Variants in ABHD18 observed in about 807,000 individuals in gnomAD.
ABHD18 encodes cardiolipin-specific deacylase, mitochondrial.
In ABHD18, 55 loss-of-function variants were observed where a neutral mutation model predicts 65.9. The observed-to-expected ratio is 0.84, with a 90% CI of 0.67 to 1.05. The LOEUF is 1.05. Among genes scored for constraint, ABHD18 ranks in the 50% least tolerant of loss-of-function variants. The pLI is 0.00. For missense variants in ABHD18, 533 were observed against 558.5 expected (o/e 0.95, Z 0.46); for synonymous variants, 181 against 180.2 (o/e 1.00, Z -0.04).
At chr4:128,014,120 A>C (rs1755068551) in intron 7 of ABHD18, among the ~76,000 whole-genome samples, 1 of 151,124 alleles carries the variant, frequency 6.6e-6, no homozygotes, top group African/African-American at 2.4e-5. Context: ...AGTAGCTGGG[A>C]TTACAGGCAT....
chr4:128,034,969 T>C (rs139228844), intron 12 of ABHD18, among the ~76,000 whole-genome samples: 2,989 of 152,288 alleles, frequency 0.02, 51 homozygotes, highest in Middle Eastern at 0.037. Flanking sequence ...TCCTTTTCAA[T>C]TGAAATATTA....
chr4:127,979,915 C>CAAAAA (rs59944314), intron 1 of ABHD18, among the ~76,000 whole-genome samples: 25 of 66,456 alleles, frequency 3.8e-4, no homozygotes, highest in East Asian at 3.7e-3. Context: ...GACTCCATCT[C>CAAAAA]AAAAAAAAAA....
At chr4:128,024,770 G>A (rs114558080) in intron 10 of ABHD18, among the ~76,000 whole-genome samples, 7,709 of 151,718 alleles carry the variant, frequency 0.051, 261 homozygotes, top group Non-Finnish European at 0.081. Flanking sequence ...TTGGCTCGCC[G>A]CAGCCTCCGC....
In ABHD18 at chr4:128,039,766, C is replaced by G. The variant is rs1399880772; in HGVS notation, c.*3953C>G. ...TTGTAAATACGGTAGACACATGTCA[C>G]ATTTGATTAATGTACCCAAACTTGA... On this transcript the variant is annotated 3_prime_UTR_variant, in exon 13 of 13. Coordinates refer to ENST00000645843, the MANE Select transcript of ABHD18 (RefSeq NM_001358451.3). 6.6e-6 allele frequency: 1 copy of G among 151,954 alleles called. No individual in the cohort carries two copies. The highest frequency in any genetic ancestry group is 1.5e-5 in the Non-Finnish European group (1 of 67,996). 9.4% of individuals were successfully genotyped at this position (151,954 alleles called of 1,614,324 possible).
intron 1 of ABHD18, among the ~76,000 whole-genome samples, chr4:127,973,051 T>A (rs959735642): frequency 1.3e-5 from 2 of 152,158 alleles, no homozygotes; most frequent in Non-Finnish European, 1.5e-5. Flanking sequence ...TCTCACTCTG[T>A]CACCCAGGCT....
chr4:128,011,240 CA>C (rs1451009392), intron 6 of ABHD18, among the ~76,000 whole-genome samples: 1 of 151,692 alleles, frequency 6.6e-6, no homozygotes, highest in South Asian at 2.1e-4. Context: ...CTCCGCCCCC[CA>C]GGGTTCACAC....
rs185053503 is a variant in ABHD18, at chr4:127,977,370, G to C, written c.-17-5569G>C. Among the ~76,000 whole-genome samples the C allele has an allele frequency of 2.2e-3, 329 of 152,320 alleles. 1 individual carries two copies. The highest frequency in any genetic ancestry group is 1.5e-3 in the Non-Finnish European group (100 of 68,036). On this transcript the variant is annotated intron_variant, in intron 1 of 12. Coordinates refer to ENST00000645843, the MANE Select transcript of ABHD18 (RefSeq NM_001358451.3). The stretch of plus-strand genomic sequence containing the variant: ...GCCTGTAATCCCAGCTACTTGAGAA[G>C]CTGAGGCAGGAAAATGGCTTGAACC...
In ABHD18 at chr4:127,997,785, T is replaced by A. The variant is rs867616191; in HGVS notation, c.278+7964T>A. ...AGCTCTCATCTTCCTCCCTCCTTACTTTCTGTTCCACTTCTTCCTTCTTTA... is the reference window on the plus strand; with the variant it reads ...AGCTCTCATCTTCCTCCCTCCTTACATTCTGTTCCACTTCTTCCTTCTTTA... On this transcript the variant is annotated intron_variant, in intron 4 of 12. Coordinates refer to ENST00000645843, the MANE Select transcript of ABHD18 (RefSeq NM_001358451.3). Among the ~76,000 whole-genome samples the A allele has an allele frequency of 5.9e-5, 9 of 152,300 alleles. 1 individual carries two copies. The Middle Eastern group carries it at 0.017, about 288-fold the overall frequency.
intron 4 of ABHD18, among the ~76,000 whole-genome samples, chr4:128,001,285 G>A (rs1049145244): frequency 1.3e-5 from 2 of 152,016 alleles, no homozygotes; most frequent in Admixed American, 1.3e-4. Flanking sequence ...GTCATAGATG[G>A]CTCTTATTAT....
chr4:127,997,617 A>G (rs780127737), intron 4 of ABHD18, among the ~76,000 whole-genome samples: 9 of 152,218 alleles, frequency 5.9e-5, no homozygotes, highest in Non-Finnish European at 1.2e-4. Context: ...TGAAACTTGT[A>G]GAGTACTGCT....
chr4:127,977,179 A>T (rs746245650), intron 1 of ABHD18, among the ~76,000 whole-genome samples: 269 of 141,930 alleles, frequency 1.9e-3, no homozygotes, highest in Middle Eastern at 3.4e-3. Context: ...AAATCTGTTT[A>T]AAAAAAAAAC....
intron 7 of ABHD18, among the ~76,000 whole-genome samples, chr4:128,016,835 G>A (rs1019931790): frequency 6.6e-6 from 1 of 152,168 alleles, no homozygotes; most frequent in Non-Finnish European, 1.5e-5. Context: ...TAAAGATTAT[G>A]TGCTATAGAA....
chr4:127,970,595 A>G (rs150680445), intron 1 of ABHD18, among the ~76,000 whole-genome samples: 4,448 of 150,860 alleles, frequency 0.029, 295 homozygotes, highest in East Asian at 0.26. Context: ...GTCTCAAAAA[A>G]AAAAAAAAAA....
chr4:128,032,237 AC>A (rs1451748017), intron 12 of ABHD18, among the ~76,000 whole-genome samples: 1 of 152,226 alleles, frequency 6.6e-6, no homozygotes, highest in Non-Finnish European at 1.5e-5. Context: ...AATAAAGGGA[AC>A]AAAAAAGATT....
At chr4:128,029,423 A>G (rs1441230743) in intron 11 of ABHD18, among the ~76,000 whole-genome samples, 3 of 151,344 alleles carry the variant, frequency 2.0e-5, no homozygotes, top group Non-Finnish European at 4.4e-5. Flanking sequence ...GCTCACGCCT[A>G]TAATCCTAGC....
At chr4:128,023,677 G>A (rs1486514998) in intron 10 of ABHD18, among the ~76,000 whole-genome samples, 2 of 151,584 alleles carry the variant, frequency 1.3e-5, no homozygotes, top group East Asian at 1.9e-4. Context: ...TCAGGAGATC[G>A]AGACCATATT....
intron 4 of ABHD18, among the ~76,000 whole-genome samples, chr4:128,007,185 A>T (rs1374835449): frequency 6.6e-6 from 1 of 151,690 alleles, no homozygotes; most frequent in Non-Finnish European, 1.5e-5. Flanking sequence ...CAGGCGTGAT[A>T]GCACATGCCT....
chr4:128,017,535 T>C, intron 8 of ABHD18, 34 bp downstream of exon 8: 1 of 1,542,862 alleles, frequency 6.5e-7, no homozygotes, highest in Non-Finnish European at 8.7e-7. Context: ...CATTTAATTA[T>C]GTTTATGTTT....
intron 4 of ABHD18, among the ~76,000 whole-genome samples, chr4:128,006,451 A>G (rs190189257): frequency 1.3e-5 from 2 of 152,320 alleles, no homozygotes; most frequent in Non-Finnish European, 1.5e-5. Flanking sequence ...CATGAGCACA[A>G]CACAGAAATA....
Sources: gnomAD v4.1 joint callset for allele counts (sites outside exome capture counted in the v4.1 genomes callset) on GRCh38, gnomAD v4.1.1 for gene constraint, MANE v1.5 for transcripts, NCBI Gene and HGNC (gene_info 2026-07-23, HGNC 2026-07-21) for gene names.